The following LRRC7 variants were observed in gnomAD, a reference collection of about 807,000 sequenced individuals.
LRRC7 encodes the protein leucine-rich repeat-containing protein 7.
In LRRC7, 23 loss-of-function variants were observed where a neutral mutation model predicts 175.7. The ratio of observed to expected loss-of-function variants is 0.13; its 90% CI spans 0.09 to 0.19. The LOEUF (loss-of-function observed/expected upper bound fraction) is 0.19, where lower values mean the gene tolerates loss of function less well. Ranked by LOEUF, LRRC7 falls within the 10% of genes least tolerant of loss-of-function variation. The pLI is 1.00. For missense variants in LRRC7, 1,354 were observed against 1,904.7 expected, an observed-to-expected ratio of 0.71 and a Z score of 5.38; for synonymous variants, 685 against 680.9, an observed-to-expected ratio of 1.01 and a Z score of -0.09.
chr1:69,748,331 TATC>T (rs961121999), intron 2 of LRRC7, among the ~76,000 whole-genome samples: 2 of 152,134 alleles, frequency 1.3e-5, no homozygotes, highest in East Asian at 3.9e-4. Flanking sequence ...ATGGGTCTCT[TATC>T]ATGTGTTGTG....
intron 7 of LRRC7, among the ~76,000 whole-genome samples, chr1:69,887,263 C>G (rs1324692817): frequency 7.9e-6 from 1 of 125,968 alleles, no homozygotes; most frequent in Non-Finnish European, 1.6e-5. Context: ...ACCAATCAGA[C>G]GTAGATTTGG....
intron 2 of LRRC7, among the ~76,000 whole-genome samples, chr1:69,726,634 G>A (rs561205632): frequency 7.9e-5 from 12 of 152,182 alleles, no homozygotes; most frequent in South Asian, 4.2e-4. Flanking sequence ...CATGAAGATC[G>A]TAACTAAAGC....
intron 7 of LRRC7, among the ~76,000 whole-genome samples, chr1:69,868,650 G>A (rs1340530651): frequency 1.3e-5 from 2 of 151,934 alleles, no homozygotes; most frequent in Non-Finnish European, 2.9e-5. Context: ...ATGTGCTCTG[G>A]GAAACTCTTG....
chr1:69,802,332 A>G (rs1461857168), intron 4 of LRRC7, among the ~76,000 whole-genome samples: 1 of 151,464 alleles, frequency 6.6e-6, no homozygotes, highest in Non-Finnish European at 1.5e-5. Context: ...GTCCCCCACT[A>G]TTATTGTATT....
chr1:69,755,660 C>T (rs1025495285), intron 2 of LRRC7, among the ~76,000 whole-genome samples: 1 of 151,524 alleles, frequency 6.6e-6, no homozygotes, highest in Non-Finnish European at 1.5e-5. Flanking sequence ...CACCACAGAC[C>T]TTCTTAGAAT....
chr1:69,577,976 G>A (rs928607729), intron 1 of LRRC7, among the ~76,000 whole-genome samples: 5 of 152,172 alleles, frequency 3.3e-5, no homozygotes, highest in Admixed American at 6.5e-5. Context: ...TGGGCATTAT[G>A]GCCATTTTCA....
At chr1:69,611,452 G>C (rs1399916421) in intron 1 of LRRC7, among the ~76,000 whole-genome samples, 1 of 152,002 alleles carries the variant, frequency 6.6e-6, no homozygotes, top group African/African-American at 2.4e-5. Context: ...CTGAATTAGT[G>C]AGTACCGAGT....
chr1:69,931,484 G>T (rs1428262594), intron 7 of LRRC7, 23 bp from the exon 8 acceptor site: 1 of 1,601,556 alleles, frequency 6.2e-7, no homozygotes, highest in Admixed American at 1.7e-5. Context: ...CCTCACAATA[G>T]TATTTTTCTC....
chr1:69,644,589 G>A (rs1654729458), intron 1 of LRRC7, among the ~76,000 whole-genome samples: 2 of 151,710 alleles, frequency 1.3e-5, no homozygotes, highest in African/African-American at 4.8e-5. Context: ...TGGTTTCACT[G>A]GTGACTTCTA....
At chr1:69,702,076 C>G (rs1663424415) in intron 2 of LRRC7, among the ~76,000 whole-genome samples, 1 of 152,048 alleles carries the variant, frequency 6.6e-6, no homozygotes, top group Non-Finnish European at 1.5e-5. Flanking sequence ...GTTTGAACAC[C>G]TTCTAGTCAA....
At chr1:69,636,693 G>A (rs1341631374) in intron 1 of LRRC7, among the ~76,000 whole-genome samples, 2 of 151,860 alleles carry the variant, frequency 1.3e-5, no homozygotes, top group South Asian at 4.2e-4. Context: ...AGAAATTTCG[G>A]TATTCCTCAT....
intron 26 of LRRC7, among the ~76,000 whole-genome samples, chr1:70,108,314 A>G (rs1261708548): frequency 2.0e-5 from 3 of 152,126 alleles, no homozygotes; most frequent in African/African-American, 7.2e-5. Flanking sequence ...ATATAAGGTG[A>G]CTTTTAAAAA....
At position 69,969,717 on chromosome 1, in the gene LRRC7, G is replaced by T. The variant is rs539553080; in HGVS notation, c.712-10662G>T. On this transcript the variant is annotated intron_variant, in intron 8 of 26. Transcript: ENST00000651989. ...ATATTCCACTCACAGCAAAAGACAG[G>T]TCATCAAGACAGAAAGTCAACAAAG... Among the ~76,000 whole-genome samples the T allele has an allele frequency of 1.3e-4, 20 of 152,138 alleles. No homozygotes were observed. The East Asian group carries it at 3.9e-3, about 29-fold the overall frequency.
intron 7 of LRRC7, among the ~76,000 whole-genome samples, chr1:69,856,992 A>G (rs186366437): frequency 6.6e-6 from 1 of 152,184 alleles, no homozygotes; most frequent in Non-Finnish European, 1.5e-5. Flanking sequence ...ACAGCATATA[A>G]ACAGAACCAA....
At chr1:69,755,158 G>A (rs1236122980) in intron 2 of LRRC7, among the ~76,000 whole-genome samples, 4 of 151,650 alleles carry the variant, frequency 2.6e-5, no homozygotes, top group Non-Finnish European at 5.9e-5. Flanking sequence ...AACTAAGGAA[G>A]GATTAAAAGG....
intron 2 of LRRC7, among the ~76,000 whole-genome samples, chr1:69,702,895 A>G (rs1247046383): frequency 6.6e-6 from 1 of 152,124 alleles, no homozygotes; most frequent in African/African-American, 2.4e-5. Context: ...AATCAATAGC[A>G]GTCAGGAAAG....
intron 23 of LRRC7, among the ~76,000 whole-genome samples, chr1:70,071,061 G>A (rs772064105): frequency 2.0e-5 from 3 of 152,164 alleles, no homozygotes; most frequent in Non-Finnish European, 4.4e-5. Flanking sequence ...TGCTGGCATT[G>A]TTTGGGGTGG....
intron 8 of LRRC7, among the ~76,000 whole-genome samples, chr1:69,957,310 C>T (rs1169278267): frequency 6.6e-6 from 1 of 151,748 alleles, no homozygotes; most frequent in Non-Finnish European, 1.5e-5. Flanking sequence ...ATGGTCTTTA[C>T]CTGGAAAGAC....
intron 7 of LRRC7, among the ~76,000 whole-genome samples, chr1:69,897,668 A>G (rs1430333469): frequency 6.6e-6 from 1 of 151,772 alleles, no homozygotes; most frequent in Non-Finnish European, 1.5e-5. Flanking sequence ...ACAAAGGGAC[A>G]GCAAAGGTTT....
Sources: allele counts gnomAD v4.1 joint callset (sites outside exome capture counted in the v4.1 genomes callset), GRCh38; gene constraint gnomAD v4.1.1; transcripts MANE v1.5; gene names NCBI Gene and HGNC (gene_info 2026-07-23, HGNC 2026-07-21).